ZNF277: variants seen among roughly 807,000 people sequenced by gnomAD.
ZNF277 encodes the protein nuclear receptor-interacting factor 4.
ZNF277 carries 55 observed loss-of-function variants against 60.7 expected under a neutral mutation model. The observed-to-expected ratio is 0.91, with a 90% CI of 0.73 to 1.13. The LOEUF (loss-of-function observed/expected upper bound fraction) is 1.13, where lower values mean the gene tolerates loss of function less well. Ranked by LOEUF, ZNF277 falls within the 50% of genes most tolerant of loss-of-function variation. ZNF277 has a pLI of 0.00. For synonymous variants in ZNF277, 178 were observed against 179.3 expected, an observed-to-expected ratio of 0.99 and a Z score of 0.06; for missense variants, 510 against 523.0, an observed-to-expected ratio of 0.98 and a Z score of 0.24.
intron 1 of ZNF277, among the ~76,000 whole-genome samples, chr7:112,219,205 T>C (rs1821964088): frequency 6.6e-6 from 1 of 152,234 alleles, no homozygotes; most frequent in South Asian, 2.1e-4. Flanking sequence ...CTCTAATGAT[T>C]AGTGATGTTG....
intron 1 of ZNF277, among the ~76,000 whole-genome samples, chr7:112,265,577 G>T (rs1791533255): frequency 2.0e-5 from 3 of 152,168 alleles, no homozygotes; most frequent in African/African-American, 7.2e-5. Context: ...AGCACGTGCT[G>T]TTGGGGAAAA....
intron 4 of ZNF277, among the ~76,000 whole-genome samples, chr7:112,303,797 A>AT (rs982562441): frequency 1.5e-4 from 22 of 151,438 alleles, no homozygotes; most frequent in African/African-American, 3.9e-4. Context: ...CTCCTAGTTT[A>AT]TTTTTTTTGG....
At chr7:112,333,530 A>C (rs568605788) in intron 7 of ZNF277, among the ~76,000 whole-genome samples, 1 of 152,164 alleles carries the variant, frequency 6.6e-6, no homozygotes, top group African/African-American at 2.4e-5. Flanking sequence ...CCTCACCTCC[A>C]CTTCAAACGC....
chr7:112,327,634 T>G, intron 5 of ZNF277, 83 bp from the exon 6 acceptor site: 1 of 999,332 alleles, frequency 1.0e-6, no homozygotes, highest in South Asian at 1.4e-5. Flanking sequence ...TAATTAGTGT[T>G]TTTATTATGT....
intron 4 of ZNF277, among the ~76,000 whole-genome samples, chr7:112,306,635 C>G (rs912069845): frequency 6.6e-6 from 1 of 152,014 alleles, no homozygotes; most frequent in African/African-American, 2.4e-5. Flanking sequence ...GCACAGTGAC[C>G]AAGGGGTGGT....
At chr7:112,319,563 C>T (rs943964582) in intron 5 of ZNF277, among the ~76,000 whole-genome samples, 7 of 150,756 alleles carry the variant, frequency 4.6e-5, no homozygotes, top group Admixed American at 6.6e-5. Context: ...GAAAACATAG[C>T]CCAGCACAGT....
chr7:112,296,636 C>T (rs528022290), intron 4 of ZNF277, among the ~76,000 whole-genome samples: 2 of 151,668 alleles, frequency 1.3e-5, no homozygotes, highest in South Asian at 2.1e-4. Flanking sequence ...TGGAAAAATG[C>T]CCTCAGCTAA....
At chr7:112,304,592 T>A (rs1241976200) in intron 4 of ZNF277, among the ~76,000 whole-genome samples, 1 of 152,156 alleles carries the variant, frequency 6.6e-6, no homozygotes, top group African/African-American at 2.4e-5. Context: ...TAGTGGAAAT[T>A]TACTGAACTT....
chr7:112,226,151 C>A (rs545913844), intron 1 of ZNF277, among the ~76,000 whole-genome samples: 1 of 152,276 alleles, frequency 6.6e-6, no homozygotes, highest in East Asian at 1.9e-4. Context: ...ATGTTACCAT[C>A]CCAAACAGTT....
At chr7:112,329,587 T>A (rs1793177034) in intron 6 of ZNF277, among the ~76,000 whole-genome samples, 1 of 152,162 alleles carries the variant, frequency 6.6e-6, no homozygotes, top group South Asian at 2.1e-4. Flanking sequence ...GGTATTATCT[T>A]CAGTTTAGAA....
intron 4 of ZNF277, among the ~76,000 whole-genome samples, chr7:112,314,193 T>C (rs913842715): frequency 6.6e-6 from 1 of 152,138 alleles, no homozygotes; most frequent in African/African-American, 2.4e-5. Flanking sequence ...AGAAGTGGTA[T>C]GCCCAAGGCC....
At position 112,206,790 on chromosome 7, in the gene ZNF277, G is replaced by A. The variant is rs747402620; in HGVS notation, c.74G>A (p.Gly25Glu). The A allele has an allele frequency of 5.5e-5, 88 of 1,613,326 alleles. No individual in the cohort carries two copies. The highest frequency in any genetic ancestry group is 6.7e-5 in the Non-Finnish European group (79 of 1,179,762). The change falls in exon 1 of 12, where the codon GGG becomes GAG. Residue 25 changes from glycine to glutamate, a missense_variant. Coordinates refer to ENST00000361822, the MANE Select transcript of ZNF277 (RefSeq NM_021994.3). ...EDRDGSCSTV[G>E]GVGYGDSKDC... ...CGTGATGGGAGCTGCAGCACAGTCG[G>A]GGGTGTAGGTTATGGGGGTGAGTAC...
intron 10 of ZNF277, 114 bp from the exon 11 acceptor site, chr7:112,340,758 G>A: frequency 1.2e-6 from 1 of 826,114 alleles, no homozygotes; most frequent in Non-Finnish European, 1.9e-6. Context: ...CTTTATAATT[G>A]TACTGCCTCT....
At chr7:112,256,437 T>G (rs1005527176) in intron 1 of ZNF277, among the ~76,000 whole-genome samples, 5 of 146,134 alleles carry the variant, frequency 3.4e-5, no homozygotes, top group African/African-American at 1.3e-4. Context: ...TTTTTTTTTT[T>G]TTTTTTTTTT....
chr7:112,318,095 C>T, intron 4 of ZNF277, 87 bp from the exon 5 acceptor site: 1 of 1,072,430 alleles, frequency 9.3e-7, no homozygotes, highest in Non-Finnish European at 1.4e-6. Flanking sequence ...ATGCTTCCAG[C>T]CCAGTTTCCT....
intron 7 of ZNF277, chr7:112,330,548 CTTTTTTTTT>C: frequency 9.5e-6 from 1 of 105,514 alleles, no homozygotes; most frequent in Non-Finnish European, 1.8e-5. Context: ...AGACTCCTTT[CTTTTTTTTT>C]TTTTTTTTTT....
chr7:112,216,414 A>T (rs1821883351), intron 1 of ZNF277, among the ~76,000 whole-genome samples: 1 of 152,166 alleles, frequency 6.6e-6, no homozygotes, highest in Admixed American at 6.5e-5. Flanking sequence ...GGCTCAAGCC[A>T]TCCTCCCACC....
At chr7:112,257,731 C>T (rs558622524) in intron 1 of ZNF277, among the ~76,000 whole-genome samples, 1 of 152,026 alleles carries the variant, frequency 6.6e-6, no homozygotes, top group East Asian at 1.9e-4. Flanking sequence ...CATTTAGATC[C>T]GATTATTGAA....
chr7:112,240,640 G>A (rs1240857665), intron 1 of ZNF277, among the ~76,000 whole-genome samples: 3 of 151,972 alleles, frequency 2.0e-5, no homozygotes, highest in African/African-American at 7.3e-5. Context: ...AAAACAGAAT[G>A]AAACAGAATA....
Sources: allele counts gnomAD v4.1 joint callset (sites outside exome capture counted in the v4.1 genomes callset), GRCh38; gene constraint gnomAD v4.1.1; transcripts MANE v1.5; gene names NCBI Gene and HGNC (gene_info 2026-07-23, HGNC 2026-07-21).